The following BANP variants were observed in gnomAD, a reference collection of about 807,000 sequenced individuals.
BANP encodes protein BANP.
In BANP, 11 loss-of-function variants were observed where a neutral mutation model predicts 68.1. The observed-to-expected ratio is 0.16, with a 90% confidence interval of 0.10 to 0.27. The LOEUF is 0.27. Among genes scored for constraint, BANP ranks in the 10% least tolerant of loss-of-function variants. BANP has a pLI of 1.00. For synonymous variants in BANP, 329 were observed against 303.2 expected (o/e 1.09, Z -0.88); for missense variants, 504 against 722.7 (o/e 0.70, Z 3.47).
intron 7 of BANP, among the ~76,000 whole-genome samples, chr16:88,024,359 G>A (rs1320585517): frequency 1.3e-5 from 2 of 152,210 alleles, no homozygotes; most frequent in Non-Finnish European, 2.9e-5. Context: ...CCAAAGTGAT[G>A]AGAGTAGTGA....
At chr16:88,048,265 G>A (rs561237429) in intron 11 of BANP, among the ~76,000 whole-genome samples, 20 of 152,282 alleles carry the variant, frequency 1.3e-4, no homozygotes, top group Middle Eastern at 3.4e-3. Flanking sequence ...ATAATTTTCC[G>A]GAAGCATCTA....
chr16:88,046,308 T>C (rs1257818302), intron 11 of BANP, among the ~76,000 whole-genome samples: 1 of 152,210 alleles, frequency 6.6e-6, no homozygotes, highest in African/African-American at 2.4e-5. Context: ...CTAGGAAGTA[T>C]CGTCTTGTGA....
intron 7 of BANP, among the ~76,000 whole-genome samples, chr16:88,024,805 G>C (rs930129943): frequency 2.6e-4 from 39 of 152,248 alleles, no homozygotes; most frequent in African/African-American, 9.2e-4. Context: ...ATGGAAACTC[G>C]GTGGCGGGTA....
chr16:88,037,512 G>A (rs2079648999), intron 10 of BANP: 1 of 158,566 alleles, frequency 6.3e-6, no homozygotes, highest in Admixed American at 6.2e-5. Context: ...TTTCTAACTG[G>A]AGAGCTCTTA....
chr16:87,973,482 C>T (rs918014212), intron 1 of BANP, among the ~76,000 whole-genome samples: 3 of 152,120 alleles, frequency 2.0e-5, no homozygotes, highest in Non-Finnish European at 2.9e-5. Context: ...GAGCTGAGGC[C>T]GGGCGCGGTG....
chr16:87,982,054 G>T (rs1234166504), intron 3 of BANP, among the ~76,000 whole-genome samples: 1 of 152,254 alleles, frequency 6.6e-6, no homozygotes, highest in African/African-American at 2.4e-5. Flanking sequence ...GTGTAAATGT[G>T]TACGAAAAAC....
chr16:88,013,453 C>G (rs2152622032), intron 6 of BANP, among the ~76,000 whole-genome samples: 1 of 152,244 alleles, frequency 6.6e-6, no homozygotes, highest in African/African-American at 2.4e-5. Context: ...CGGGCCCTCC[C>G]TCAGTGCAGT....
chr16:88,059,636 CCTGGCTCAGCA>C (rs1481368420), intron 11 of BANP, among the ~76,000 whole-genome samples: 4 of 152,096 alleles, frequency 2.6e-5, no homozygotes, highest in African/African-American at 9.7e-5. Context: ...TGTGCTGAGC[CCTGGCTCAGCA>C]CCACAGATGA....
chr16:87,995,713 G>A (rs1254548344), intron 4 of BANP, among the ~76,000 whole-genome samples: 2 of 152,246 alleles, frequency 1.3e-5, no homozygotes, highest in Non-Finnish European at 2.9e-5. Context: ...TCCTGATGGA[G>A]TTCCTCCTCT....
At chr16:88,019,205 G>T (rs1455656645) in intron 7 of BANP, among the ~76,000 whole-genome samples, 1 of 152,198 alleles carries the variant, frequency 6.6e-6, no homozygotes, top group Non-Finnish European at 1.5e-5. Flanking sequence ...CGTCCCCTCT[G>T]AAGAGCGGGA....
chr16:88,035,484 G>C (rs2079109599), intron 10 of BANP, 90 bp downstream of exon 10: 8 of 1,283,128 alleles, frequency 6.2e-6, no homozygotes, highest in African/African-American at 2.9e-5. Context: ...GAGGGCAGCA[G>C]GGAGCCCCCA....
intron 8 of BANP, among the ~76,000 whole-genome samples, chr16:88,028,809 G>A (rs1173309011): frequency 2.0e-5 from 3 of 152,154 alleles, no homozygotes; most frequent in Non-Finnish European, 4.4e-5. Context: ...AGCGATGTGA[G>A]GACTATACTT....
intron 4 of BANP, among the ~76,000 whole-genome samples, chr16:87,999,393 C>T (rs2068446299): frequency 7.3e-6 from 1 of 136,304 alleles, no homozygotes; most frequent in African/African-American, 2.8e-5. Context: ...CGCACGTGCG[C>T]GGCTGGACTT....
At chr16:87,974,628 A>T (rs917363936) in intron 1 of BANP, among the ~76,000 whole-genome samples, 1 of 151,948 alleles carries the variant, frequency 6.6e-6, no homozygotes, top group Non-Finnish European at 1.5e-5. Context: ...GTGGGAAGGG[A>T]TGCTTCTTTC....
In BANP at chr16:88,018,857, C is replaced by T. The variant is rs1447365758; in HGVS notation, c.895+190C>T. Among the ~76,000 whole-genome samples the T allele has an allele frequency of 4.6e-5, 7 of 152,278 alleles. No homozygotes were observed. Among genetic ancestry groups the T allele is most frequent in the African/African-American group, 1.2e-4 (5 of 41,520 alleles). Reference sequence around the variant, plus strand: ...GCTGTTGACCCTGATGTGCTTATTACGCACGGCATGCCCGCACCAAAATAC... The same window carrying T: ...GCTGTTGACCCTGATGTGCTTATTATGCACGGCATGCCCGCACCAAAATAC... On this transcript the variant is annotated intron_variant, in intron 7 of 13. Transcript: ENST00000682872. The surrounding 1 kb of genome is among the most constrained non-coding windows in gnomAD (Gnocchi z 7.7).
rs188561243 is a variant in BANP at position 88,018,053 on chromosome 16, G to A, written c.656-375G>A. Among the ~76,000 whole-genome samples the A allele has an allele frequency of 3.3e-5, 5 of 152,292 alleles. No individual in the cohort carries two copies. The highest frequency in any genetic ancestry group is 2.1e-4 in the South Asian group (1 of 4,816). ...CTGGCAGTGAGGTGTGAGGGACCCCGGGGAGGGTTCCGCTCTGCAGGTGGC... is the reference window on the plus strand; with the variant it reads ...CTGGCAGTGAGGTGTGAGGGACCCCAGGGAGGGTTCCGCTCTGCAGGTGGC... On this transcript the variant is annotated intron_variant, in intron 6 of 13. Coordinates refer to ENST00000682872, the MANE Select transcript of BANP (RefSeq NM_001386991.1). The surrounding 1 kb of genome is among the most constrained non-coding windows in gnomAD (Gnocchi z 7.7).
At chr16:88,053,797 ACCACCTCT>A (rs988813676) in intron 11 of BANP, among the ~76,000 whole-genome samples, 1 of 148,720 alleles carries the variant, frequency 6.7e-6, no homozygotes, top group Non-Finnish European at 1.5e-5. Context: ...CACTACCACC[ACCACCTCT>A]ACTATCTCCA....
chr16:88,076,592 G>A lies in BANP; in HGVS notation c.1524G>A (p.Thr508=), dbSNP rs1022129832. The A allele has an allele frequency of 3.0e-5, 49 of 1,612,320 alleles. No individual in the cohort carries two copies. The highest frequency in any genetic ancestry group is 1.3e-4 in the Admixed American group (8 of 59,930). ...TCCCTCCTTTCTCCCTTTTGCAGAC[G>A]GCCGAAGCCCTGCAGCCCACGCTAC... The part of the protein sequence containing the change: ...PVSDHTAGAQ[T]AEALQPTLQP... The change falls in exon 14 of 14, where the codon ACG becomes ACA. Residue 508 remains threonine, a splice_region_variant and synonymous_variant. Coordinates refer to ENST00000682872, the MANE Select transcript of BANP (RefSeq NM_001386991.1).
At chr16:88,073,438 A>G (rs2090880747) in intron 13 of BANP, among the ~76,000 whole-genome samples, 1 of 152,120 alleles carries the variant, frequency 6.6e-6, no homozygotes, top group South Asian at 2.1e-4. Context: ...TGGCCCCCGC[A>G]GAGGCGCGCC....
Sources: allele counts gnomAD v4.1 joint callset (sites outside exome capture counted in the v4.1 genomes callset), GRCh38; gene constraint gnomAD v4.1.1; non-coding constraint Gnocchi (gnomAD v3.1); transcripts MANE v1.5; gene names NCBI Gene and HGNC (gene_info 2026-07-23, HGNC 2026-07-21).